STK11IP: variants seen among roughly 807,000 people sequenced by gnomAD.
The protein encoded by STK11IP is serine/threonine-protein kinase 11-interacting protein.
Under a neutral mutation model 131.7 loss-of-function variants are expected in STK11IP, and 103 were observed. The ratio of observed to expected loss-of-function variants is 0.78; its 90% CI spans 0.67 to 0.92. The LOEUF (loss-of-function observed/expected upper bound fraction) is 0.92, where lower values mean the gene tolerates loss of function less well. Ranked by LOEUF, STK11IP falls within the 40% of genes least tolerant of loss-of-function variation. The pLI is 0.00. For missense variants in STK11IP, 1,315 were observed against 1,385.7 expected, an observed-to-expected ratio of 0.95 and a Z score of 0.81; for synonymous variants, 557 against 575.6, an observed-to-expected ratio of 0.97 and a Z score of 0.46.
intron 5 of STK11IP, 73 bp from the exon 6 acceptor site, chr2:219,602,395 G>T (rs1216577505): frequency 2.7e-6 from 3 of 1,113,366 alleles, no homozygotes; most frequent in Non-Finnish European, 4.0e-6. Flanking sequence ...TGAGTGACTG[G>T]GTGGTAGAGC....
At position 219,601,709 on chromosome 2, in the gene STK11IP, C is replaced by T. The variant is rs377268531; in HGVS notation, c.336C>T (p.His112=). ...IKIFPFKSLR[H]LELRGVPLHC... ...TTTTCCCCTTCAAATCCCTTCGGCACCTGGAGGTATGGGGACACGGGGGGA... is the reference window on the plus strand; with the variant it reads ...TTTTCCCCTTCAAATCCCTTCGGCATCTGGAGGTATGGGGACACGGGGGGA... Residue 112 remains histidine, a synonymous_variant, in exon 4 of 25, where the codon CAC becomes CAT. Coordinates refer to ENST00000456909, the MANE Select transcript of STK11IP (RefSeq NM_052902.4). 1.2e-3 allele frequency: 1,966 copies of T among 1,602,156 alleles called. 4 individuals carry two copies. The highest frequency in any genetic ancestry group is 1.6e-3 in the Non-Finnish European group (1,832 of 1,173,776).
At position 219,613,222 on chromosome 2, in the gene STK11IP, T is replaced by G; in HGVS notation, c.2534T>G (p.Met845Arg). ...RLYLLKVTGEMREPPASWLQL... is the reference protein window; with the variant it reads ...RLYLLKVTGERREPPASWLQL... ...TACCTGTTGAAGGTGACTGGGGAGA[T>G]GCGGTGAGTGAGAGGGGAGATGCAG... The change falls in exon 20 of 25, where the codon ATG (methionine) becomes AGG (arginine). Residue 845 changes from methionine to arginine, a missense_variant. Met to Arg is a moderately conservative substitution (Grantham distance 91). Transcript: ENST00000456909. 6.4e-7 allele frequency: 1 copy of G among 1,558,912 alleles called. No homozygotes were observed. Among genetic ancestry groups the G allele is most frequent in the Non-Finnish European group, 8.7e-7 (1 of 1,149,226 alleles).
chr2:219,608,216 C>A lies in STK11IP; in HGVS notation c.1389C>A (p.Pro463=). ...PSAPPASSQG[P]DTAPRPSPPQ... ...CACCTCCAGCCAGCTCCCAGGGCCC[C>A]GACACTGCACCCAGACCTTCACCCC... is the stretch of plus-strand genomic sequence containing the variant. Residue 463 remains proline, a synonymous_variant, in exon 14 of 25, where the codon CCC becomes CCA. Transcript: ENST00000456909. The A allele has an allele frequency of 6.2e-7, 1 of 1,613,604 alleles. No homozygotes were observed. Among genetic ancestry groups the A allele is most frequent in the Non-Finnish European group, 8.5e-7 (1 of 1,179,856 alleles).
At chr2:219,608,974 G>A in intron 15 of STK11IP, 123 bp from the exon 16 acceptor site, 1 of 1,037,500 alleles carries the variant, frequency 9.6e-7, no homozygotes, top group Non-Finnish European at 1.4e-6. Context: ...CTGGAGCTTG[G>A]ACGTCAGTAC....
At chr2:219,613,254 A>ACGGGGGAGATGGGGTGAGTT in intron 20 of STK11IP, 29 bp downstream of exon 20, 1 of 764,248 alleles carries the variant, frequency 1.3e-6, no homozygotes, top group South Asian at 1.4e-5. Flanking sequence ...GCAGTGAGTA[A>ACGGGGGAGATGGGGTGAGTT]GGGGGGAGAT....
chr2:219,613,651 G>A lies in STK11IP; in HGVS notation c.2538-101G>A, dbSNP rs148946586. The stretch of plus-strand genomic sequence containing the variant: ...AGATGGGGTGTGGTGAGCGCACGGG[G>A]GTGATGCAGTGAGTGAGGCAGGTGC... On this transcript the variant is annotated intron_variant, in intron 20 of 24. Transcript: ENST00000456909. 6.6e-6 allele frequency: 9 copies of A among 1,373,160 alleles called. No individual in the cohort carries two copies. The East Asian group carries it at 2.1e-4, about 31-fold the overall frequency. 85.1% of individuals were successfully genotyped at this position (1,373,160 alleles called of 1,614,324 possible).
chr2:219,601,295 T>G lies in STK11IP; in HGVS notation c.122T>G (p.Leu41Arg). 1 of 1,614,092 alleles carries G rather than the reference T, an allele frequency of 6.2e-7. No homozygotes were observed. The highest frequency in any genetic ancestry group is 1.1e-5 in the South Asian group (1 of 91,090). Residue 41 changes from leucine (L) to arginine (R), a missense_variant, in exon 3 of 25, where the codon CTG (leucine) becomes CGG (arginine). Transcript: ENST00000456909. ...CTGCTGACTCCCACACTGCAACAGC[T>G]GAACCACGTATTTGAGCTGCACCTG... is the stretch of plus-strand genomic sequence containing the variant. ...LSLLTPTLQQ[L>R]NHVFELHLGP...
chr2:219,612,479 A>G (rs1028569769), intron 19 of STK11IP, among the ~76,000 whole-genome samples: 5 of 152,250 alleles, frequency 3.3e-5, no homozygotes, highest in Non-Finnish European at 7.3e-5. Flanking sequence ...ATTATGCAAT[A>G]TGCAAATGCT....
chr2:219,598,328 T>A (rs1159301787), intron 2 of STK11IP, 148 bp downstream of exon 2: 2 of 624,588 alleles, frequency 3.2e-6, no homozygotes, highest in Admixed American at 3.7e-5. Context: ...CCCAGGTTTG[T>A]TCGCCCTTAC....
rs1698402260 is a variant in STK11IP at position 219,611,723 on chromosome 2, G to T, written c.2224G>T (p.Ala742Ser). 1 of 1,612,906 alleles carries T rather than the reference G, an allele frequency of 6.2e-7. No homozygotes were observed. The highest frequency in any genetic ancestry group is 8.5e-7 in the Non-Finnish European group (1 of 1,179,860). Reference sequence around the variant, plus strand: ...GCAGTCTCTGGCTCCTTCTCCGTCTGCCAGCCCTGTCTGCCACCCTCCTGG... The same window carrying T: ...GCAGTCTCTGGCTCCTTCTCCGTCTTCCAGCCCTGTCTGCCACCCTCCTGG... Reference protein sequence around the residue: ...GEQSLAPSPSASPVCHPPGHG... With the variant: ...GEQSLAPSPSSSPVCHPPGHG... The change falls in exon 18 of 25, where the codon GCC becomes TCC. Residue 742 changes from alanine (A) to serine (S), a missense_variant. Transcript: ENST00000456909.
At chr2:219,609,606 G>T (rs1574626053) in intron 17 of STK11IP, 66 bp downstream of exon 17, 1 of 1,539,218 alleles carries the variant, frequency 6.5e-7, no homozygotes, top group Non-Finnish European at 8.8e-7. Context: ...GTGGCTCTGT[G>T]TAGGGGAGTG....
chr2:219,603,956 T>C (rs1698073122), intron 7 of STK11IP, among the ~76,000 whole-genome samples: 2 of 152,194 alleles, frequency 1.3e-5, no homozygotes, highest in East Asian at 3.9e-4. Context: ...GAAGGGGAAC[T>C]GTGAGGGCTT....
In STK11IP at chr2:219,616,428, C is replaced by A; in HGVS notation, c.*235C>A. ...TTTTCCTGCACTTTTTCTCAGGTAT[C>A]AATAAAGTTGTTTCCAACTCATAGG... On this transcript the variant is annotated 3_prime_UTR_variant, in exon 25 of 25. Transcript: ENST00000456909. The A allele has an allele frequency of 1.9e-6, 1 of 518,516 alleles. No homozygotes were observed. The highest frequency in any genetic ancestry group is 3.4e-6 in the Non-Finnish European group (1 of 293,656). The allele number at this position is 518,516 out of a possible 1,614,324, so 32.1% of individuals were successfully genotyped here.
intron 17 of STK11IP, among the ~76,000 whole-genome samples, chr2:219,611,295 TG>T (rs1698387695): frequency 1.3e-5 from 2 of 152,208 alleles, no homozygotes; most frequent in African/African-American, 4.8e-5. Context: ...AGCCCAAGTC[TG>T]TAAGAGGGCA....
At chr2:219,598,475 A>T (rs1031342277) in intron 2 of STK11IP, 16 of 340,834 alleles carry the variant, frequency 4.7e-5, no homozygotes, top group Non-Finnish European at 6.4e-5. Context: ...AGGACCAGGG[A>T]CTGATCTCGG....
At chr2:219,606,624 A>G in intron 11 of STK11IP, 88 bp from the exon 12 acceptor site, 1 of 1,600,552 alleles carries the variant, frequency 6.2e-7, no homozygotes, top group South Asian at 1.1e-5. Context: ...GTCAGTGGAA[A>G]GTAGGGTCCC....
chr2:219,602,674 C>T (rs750547673), intron 6 of STK11IP, 31 bp from the exon 7 acceptor site: 28 of 1,612,768 alleles, frequency 1.7e-5, no homozygotes, highest in Admixed American at 1.0e-4. Flanking sequence ...TAGTGAACAT[C>T]GATTCTCTGC....
chr2:219,612,140 A>C (rs1297253070), intron 19 of STK11IP, 82 bp downstream of exon 19: 6 of 1,322,300 alleles, frequency 4.5e-6, no homozygotes, highest in Non-Finnish European at 6.3e-6. Context: ...GAGTCAGATC[A>C]AGCACTCTAG....
chr2:219,611,597 C>T lies in STK11IP; in HGVS notation c.2105-7C>T. 3.7e-6 allele frequency: 6 copies of T among 1,607,136 alleles called. No homozygotes were observed. The highest frequency in any genetic ancestry group is 5.1e-6 in the Non-Finnish European group (6 of 1,174,674). ...GCTCATGGGGACCGTGTCCATCCTC[C>T]CTCCAGAATCTCCTGCTGTGTGTCC... On this transcript the variant is annotated splice_polypyrimidine_tract_variant and splice_region_variant and intron_variant, in intron 17 of 24. Transcript: ENST00000456909.
Sources: allele counts gnomAD v4.1 joint callset (sites outside exome capture counted in the v4.1 genomes callset), GRCh38; gene constraint gnomAD v4.1.1; transcripts MANE v1.5; gene names NCBI Gene and HGNC (gene_info 2026-07-23, HGNC 2026-07-21).